CDH9: variants seen among roughly 807,000 people sequenced by gnomAD.
The protein encoded by CDH9 is cadherin 9.
Under a neutral mutation model 70.9 loss-of-function variants are expected in CDH9, and 28 were observed. The observed-to-expected ratio is 0.40, with a 90% CI of 0.29 to 0.54. The LOEUF (loss-of-function observed/expected upper bound fraction) is 0.54. CDH9 is among the 20% of genes least tolerant of loss of function. CDH9 has a pLI of 0.59. For synonymous variants in CDH9, 409 were observed against 343.1 expected (o/e 1.19, Z -2.12); for missense variants, 874 against 984.4 (o/e 0.89, Z 1.50).
intron 2 of CDH9, among the ~76,000 whole-genome samples, chr5:26,955,598 C>CTT (rs1741933321): frequency 6.9e-6 from 1 of 145,846 alleles, no homozygotes; most frequent in Admixed American, 6.6e-5. Flanking sequence ...CTCTCTCTCT[C>CTT]TCTCTCTGTG....
chr5:26,957,419 T>A (rs1056084596), intron 2 of CDH9, among the ~76,000 whole-genome samples: 1 of 152,158 alleles, frequency 6.6e-6, no homozygotes, highest in Non-Finnish European at 1.5e-5. Flanking sequence ...CGTAGCACTT[T>A]GGGAGGCCAA....
At position 26,903,703 on chromosome 5, in the gene CDH9, A is replaced by G. The variant is rs1395710724; in HGVS notation, c.933T>C (p.Asp311=). 6 of 1,609,142 alleles carry G rather than the reference A, an allele frequency of 3.7e-6. No individual in the cohort carries two copies. The highest frequency in any genetic ancestry group is 4.2e-6 in the Non-Finnish European group (5 of 1,176,514). ...TGATGACATCGAACATGTCTGCACC[A>G]TCTCCTTCAGCAATGCTATACTCCA... is the stretch of plus-strand genomic sequence containing the variant. ...AEMEYSIAEG[D]GADMFDVITD... is the part of the protein sequence containing the mutation. The change falls in exon 6 of 12, where the codon GAT becomes GAC. Residue 311 remains aspartate (D), a synonymous_variant. Transcript: ENST00000231021.
chr5:26,920,929 A>G (rs1288829407), intron 2 of CDH9, among the ~76,000 whole-genome samples: 1 of 152,160 alleles, frequency 6.6e-6, no homozygotes, highest in Non-Finnish European at 1.5e-5. Context: ...GACTACAATA[A>G]ATATCAAACT....
chr5:26,960,633 TG>T (rs1170746118), intron 2 of CDH9, among the ~76,000 whole-genome samples: 2 of 152,034 alleles, frequency 1.3e-5, no homozygotes, highest in Non-Finnish European at 2.9e-5. Flanking sequence ...TGAAAATGTA[TG>T]ATAATACAAT....
At position 26,885,983 on chromosome 5, in the gene CDH9, G is replaced by T; in HGVS notation, c.1613C>A (p.Thr538Asn). The T allele has an allele frequency of 1.2e-6, 2 of 1,609,052 alleles. No homozygotes were observed. Among genetic ancestry groups the T allele is most frequent in the African/African-American group, 1.3e-5 (1 of 74,632 alleles). The change falls in exon 10 of 12, where the codon ACC (threonine) becomes AAC (asparagine). Residue 538 changes from threonine (T) to asparagine (N), a missense_variant. Transcript: ENST00000231021. The part of the protein sequence containing the change: ...VPEFTLNPNF[T>N]IVDNKDNTAG... ...TCTTATACCTTTATTATCTACAATG[G>T]TGAAATTCGGATTGAGAGTAAATTC...
At chr5:26,882,828 C>T (rs941611478) in intron 11 of CDH9, among the ~76,000 whole-genome samples, 2 of 151,134 alleles carry the variant, frequency 1.3e-5, no homozygotes, top group African/African-American at 4.9e-5. Flanking sequence ...TTAAACAAAG[C>T]ATACTCATTG....
intron 2 of CDH9, among the ~76,000 whole-genome samples, chr5:26,974,845 GA>G (rs1473236661): frequency 6.6e-6 from 1 of 151,794 alleles, no homozygotes; most frequent in African/African-American, 2.4e-5. Flanking sequence ...TGTGTGTTGA[GA>G]AAACAATATC....
intron 1 of CDH9, among the ~76,000 whole-genome samples, chr5:27,035,081 A>G (rs1743369645): frequency 6.6e-6 from 1 of 150,686 alleles, no homozygotes; most frequent in Admixed American, 6.7e-5. Flanking sequence ...TCCTCTATGT[A>G]TCTGTCTATC....
At chr5:26,971,114 A>C (rs1415607394) in intron 2 of CDH9, among the ~76,000 whole-genome samples, 1 of 152,138 alleles carries the variant, frequency 6.6e-6, no homozygotes, top group East Asian at 1.9e-4. Context: ...TTTCAGCTTT[A>C]TGCAAAGCTA....
chr5:26,898,520 A>G (rs13168136), intron 7 of CDH9, among the ~76,000 whole-genome samples: 36,705 of 151,970 alleles, frequency 0.24, 5,076 homozygotes, highest in East Asian at 0.58. Flanking sequence ...AATGCCACAT[A>G]TCTACAGCCA....
intron 2 of CDH9, among the ~76,000 whole-genome samples, chr5:26,951,437 C>T (rs995770543): frequency 1.3e-4 from 19 of 151,950 alleles, no homozygotes; most frequent in Non-Finnish European, 8.8e-5. Flanking sequence ...TGGAATGTCC[C>T]CACTTTAGGG....
intron 2 of CDH9, among the ~76,000 whole-genome samples, chr5:26,963,071 G>A (rs1327930600): frequency 2.6e-5 from 4 of 152,036 alleles, no homozygotes; most frequent in Non-Finnish European, 5.9e-5. Context: ...CATTAAACAA[G>A]TTCAAAAACA....
intron 1 of CDH9, among the ~76,000 whole-genome samples, chr5:27,028,570 T>C (rs1360061985): frequency 6.6e-6 from 1 of 151,968 alleles, no homozygotes; most frequent in African/African-American, 2.4e-5. Flanking sequence ...CAAGGACAAG[T>C]CTTTTCCACA....
intron 1 of CDH9, among the ~76,000 whole-genome samples, chr5:26,998,593 C>T (rs111545792): frequency 4.6e-5 from 7 of 151,454 alleles, no homozygotes; most frequent in Admixed American, 1.3e-4. Context: ...GGTGGGGAGA[C>T]GGGGGAGGGA....
At chr5:26,883,049 A>G (rs1378732572) in intron 11 of CDH9, among the ~76,000 whole-genome samples, 2 of 52,240 alleles carry the variant, frequency 3.8e-5, no homozygotes, top group Admixed American at 1.8e-4. Flanking sequence ...TCTTATATAT[A>G]TATATATATA....
At chr5:26,941,733 A>G (rs13171590) in intron 2 of CDH9, among the ~76,000 whole-genome samples, 127,037 of 152,224 alleles carry the variant, frequency 0.83, 57,911 homozygotes, top group East Asian at 1. Context: ...ATAGCTTTGA[A>G]TGACTAGATA....
intron 2 of CDH9, among the ~76,000 whole-genome samples, chr5:26,952,744 T>C (rs553594915): frequency 1.6e-4 from 24 of 150,860 alleles, no homozygotes; most frequent in African/African-American, 5.8e-4. Flanking sequence ...AATCCACTCA[T>C]GGATTAATGG....
At chr5:26,978,178 T>TAA (rs143139482) in intron 2 of CDH9, among the ~76,000 whole-genome samples, 10 of 151,136 alleles carry the variant, frequency 6.6e-5, no homozygotes, top group South Asian at 2.1e-4. Flanking sequence ...TAACACATAA[T>TAA]AAAAAAAAGA....
Position 26,998,553 on chromosome 5 carries a change from G to C in CDH9, c.-49-10171C>G, listed in dbSNP as rs1225049969. Among the ~76,000 whole-genome samples, 3 of 152,114 alleles carry C rather than the reference G, an allele frequency of 2.0e-5. No homozygotes were observed. In the East Asian group the frequency reaches 5.8e-4, roughly 30 times the overall value. On this transcript the variant is annotated intron_variant, in intron 1 of 11. Coordinates refer to ENST00000231021, the MANE Select transcript of CDH9 (RefSeq NM_016279.4). ...AATGAGAACACATGGACACAGGAAG[G>C]GGAACATCACACACCGGGGTCTGTT... is the stretch of plus-strand genomic sequence containing the variant.
Sources: gnomAD v4.1 joint callset for allele counts (sites outside exome capture counted in the v4.1 genomes callset) on GRCh38, gnomAD v4.1.1 for gene constraint, MANE v1.5 for transcripts, NCBI Gene and HGNC (gene_info 2026-07-23, HGNC 2026-07-21) for gene names.